The following ZC2HC1B variants were observed in gnomAD, a reference collection of about 807,000 sequenced individuals.
ZC2HC1B encodes zinc finger C2HC-type containing 1B, also known as zinc finger C2HC domain-containing protein 1B.
In ZC2HC1B, 36 loss-of-function variants were observed where a neutral mutation model predicts 31.0. That is an observed-to-expected ratio of 1.16 (90% confidence interval 0.89 to 1.54). The LOEUF is 1.54. Among genes scored for constraint, ZC2HC1B ranks in the 40% most tolerant of loss-of-function variants. The pLI is 0.00. For missense variants in ZC2HC1B, 260 were observed against 268.6 expected, an observed-to-expected ratio of 0.97 and a Z score of 0.22; for synonymous variants, 73 against 88.0, an observed-to-expected ratio of 0.83 and a Z score of 0.95.
At chr6:143,914,447 T>C (rs1370292676) in intron 6 of ZC2HC1B, among the ~76,000 whole-genome samples, 3 of 152,230 alleles carry the variant, frequency 2.0e-5, no homozygotes, top group Non-Finnish European at 4.4e-5. Flanking sequence ...TCATATGATA[T>C]ATGTCTTTTT....
intron 1 of ZC2HC1B, among the ~76,000 whole-genome samples, chr6:143,880,789 G>A (rs1777457649): frequency 1.3e-5 from 2 of 151,124 alleles, no homozygotes; most frequent in Admixed American, 1.3e-4. Flanking sequence ...GCTACAGTTT[G>A]CTGACCCCTA....
At chr6:143,910,474 A>G (rs768315957) in intron 6 of ZC2HC1B, among the ~76,000 whole-genome samples, 9 of 152,234 alleles carry the variant, frequency 5.9e-5, no homozygotes, top group Non-Finnish European at 1.0e-4. Context: ...TTAGATATCT[A>G]TCAGGCCCAC....
chr6:143,887,039 A>G lies in ZC2HC1B; in HGVS notation c.349+218A>G, dbSNP rs1208745492. Among the ~76,000 whole-genome samples the G allele has an allele frequency of 6.6e-6, 1 of 152,194 alleles. No individual in the cohort carries two copies. Among genetic ancestry groups the G allele is most frequent in the Non-Finnish European group, 1.5e-5 (1 of 68,034 alleles). On this transcript the variant is annotated intron_variant, in intron 4 of 7. Coordinates refer to ENST00000237275, the MANE Select transcript of ZC2HC1B (RefSeq NM_001013623.3). This position sits in a 1 kb window ranked among gnomAD's most constrained non-coding sequence, Gnocchi z 5.1. ...GGGAACACCACTGTAGCTGTGCTGTAGTATTACATGACTCCAAGAAACACC... is the reference window on the plus strand; with the variant it reads ...GGGAACACCACTGTAGCTGTGCTGTGGTATTACATGACTCCAAGAAACACC...
At chr6:143,901,375 C>G (rs1777737074) in intron 5 of ZC2HC1B, among the ~76,000 whole-genome samples, 1 of 146,998 alleles carries the variant, frequency 6.8e-6, no homozygotes, top group Admixed American at 6.8e-5. Context: ...TTCTTGTGAC[C>G]CAGCCTTCCA....
chr6:143,896,460 G>C (rs1182990484), intron 4 of ZC2HC1B, among the ~76,000 whole-genome samples: 1 of 152,168 alleles, frequency 6.6e-6, no homozygotes, highest in East Asian at 1.9e-4. Flanking sequence ...GTTCTAGATG[G>C]TTCTTCTAAA....
chr6:143,886,148 C>T lies in ZC2HC1B; in HGVS notation c.207C>T (p.Ser69=). 1 of 1,535,378 alleles carries T rather than the reference C, an allele frequency of 6.5e-7. No homozygotes were observed. Among genetic ancestry groups the T allele is most frequent in the Non-Finnish European group, 8.8e-7 (1 of 1,142,322 alleles). Residue 69 remains serine (S), a synonymous_variant, in exon 3 of 8, where the codon TCC becomes TCT. Coordinates refer to ENST00000237275, the MANE Select transcript of ZC2HC1B (RefSeq NM_001013623.3). The surrounding 1 kb of genome is among the most constrained non-coding windows in gnomAD (Gnocchi z 4.2). ...DIPTVKKTPQ[S]KSPPVRKSNW... is the part of the protein sequence containing the mutation. ...CTACTGTGAAGAAGACTCCACAATC[C>T]AAGGTACTCCTGATATCTTCTTTAG...
chr6:143,905,456 G>A lies in ZC2HC1B; in HGVS notation c.598+2304G>A, dbSNP rs1005047576. On this transcript the variant is annotated intron_variant, in intron 6 of 7. Coordinates refer to ENST00000237275, the MANE Select transcript of ZC2HC1B (RefSeq NM_001013623.3). The surrounding 1 kb of genome is among the most constrained non-coding windows in gnomAD (Gnocchi z 4.2). The stretch of plus-strand genomic sequence containing the variant: ...TTTATTGCTTCTAATAAGTTTTTTG[G>A]TGATATCTTTAGGATTTTCTGCTTA... Among the ~76,000 whole-genome samples the A allele has an allele frequency of 6.6e-6, 1 of 152,024 alleles. No homozygotes were observed. Among genetic ancestry groups the A allele is most frequent in the African/African-American group, 2.4e-5 (1 of 41,412 alleles).
At chr6:143,907,871 T>C (rs567116050) in intron 6 of ZC2HC1B, among the ~76,000 whole-genome samples, 8 of 152,236 alleles carry the variant, frequency 5.3e-5, no homozygotes, top group Non-Finnish European at 1.2e-4. Flanking sequence ...TTCTGAATGG[T>C]ATTGCCTAGA....
intron 6 of ZC2HC1B, among the ~76,000 whole-genome samples, chr6:143,935,566 ATTGTTG>A (rs1020282873): frequency 2.0e-5 from 3 of 149,888 alleles, no homozygotes; most frequent in Non-Finnish European, 4.4e-5. Flanking sequence ...GTCTTTAAAA[ATTGTTG>A]TTGTTGGGTT....
intron 6 of ZC2HC1B, 123 bp from the exon 7 acceptor site, chr6:143,937,526 C>A: frequency 1.7e-6 from 1 of 583,630 alleles, no homozygotes; most frequent in Non-Finnish European, 2.5e-6. Flanking sequence ...ACTCCCCCAC[C>A]TCCCACCAAA....
chr6:143,875,352 T>C (rs1777393169), intron 1 of ZC2HC1B, among the ~76,000 whole-genome samples: 3 of 151,418 alleles, frequency 2.0e-5, no homozygotes, highest in Non-Finnish European at 4.4e-5. Flanking sequence ...TCATTATGCC[T>C]TTGGATCCCT....
intron 6 of ZC2HC1B, among the ~76,000 whole-genome samples, chr6:143,936,135 CAT>C (rs1778175787): frequency 6.6e-6 from 1 of 152,154 alleles, no homozygotes; most frequent in Non-Finnish European, 1.5e-5. Context: ...AGAGGAGACA[CAT>C]GTGTGTACAA....
At chr6:143,937,244 C>A (rs1394693945) in intron 6 of ZC2HC1B, among the ~76,000 whole-genome samples, 1 of 152,126 alleles carries the variant, frequency 6.6e-6, no homozygotes, top group Non-Finnish European at 1.5e-5. Flanking sequence ...GCAGCTTATG[C>A]TTCCGTAAGG....
At chr6:143,925,622 C>T (rs1404327160) in intron 6 of ZC2HC1B, among the ~76,000 whole-genome samples, 1 of 151,168 alleles carries the variant, frequency 6.6e-6, no homozygotes, top group Non-Finnish European at 1.5e-5. Flanking sequence ...CCGCAACCTC[C>T]GCCTCCCGTG....
rs539738162 is a variant in ZC2HC1B at position 143,903,657 on chromosome 6, T to G, written c.598+505T>G. ...ACATAAGTCAAGAATTTCTGTACAGTCATCCCTCGGTATCCACAGGGGATT... is the reference window on the plus strand; with the variant it reads ...ACATAAGTCAAGAATTTCTGTACAGGCATCCCTCGGTATCCACAGGGGATT... On this transcript the variant is annotated intron_variant, in intron 6 of 7. Transcript: ENST00000237275. The surrounding 1 kb of genome is among the most constrained non-coding windows in gnomAD (Gnocchi z 4.3). 1.3e-5 allele frequency among the ~76,000 whole-genome samples: 2 copies of G among 152,150 alleles called. No individual in the cohort carries two copies. Among genetic ancestry groups the G allele is most frequent in the African/African-American group, 4.8e-5 (2 of 41,422 alleles).
rs1244434530 is a variant in ZC2HC1B, at chr6:143,937,663, C to T, written c.613C>T (p.Pro205Ser). ...TGTTTGCAAAGGATTAGCTATGGAC[C>T]CTGCTTCTGGAGCAAAACTCAGACA... ...VPTKSGLAMD[P>S]ASGAKLRQGF... The change falls in exon 7 of 8, where the codon CCT becomes TCT. Residue 205 changes from proline to serine, a missense_variant. Coordinates refer to ENST00000237275, the MANE Select transcript of ZC2HC1B (RefSeq NM_001013623.3). 5 of 1,550,362 alleles carry T rather than the reference C, an allele frequency of 3.2e-6. No individual in the cohort carries two copies. Among genetic ancestry groups the T allele is most frequent in the African/African-American group, 1.4e-5 (1 of 72,866 alleles).
chr6:143,925,816 T>A (rs1329720521), intron 6 of ZC2HC1B, among the ~76,000 whole-genome samples: 1 of 152,202 alleles, frequency 6.6e-6, no homozygotes, highest in African/African-American at 2.4e-5. Flanking sequence ...ATTACAGGCA[T>A]GAGCCACGGT....
rs1165477324 is a variant in ZC2HC1B, at chr6:143,895,523, G to A, written c.350-3029G>A. Among the ~76,000 whole-genome samples the A allele has an allele frequency of 6.6e-6, 1 of 152,144 alleles. No homozygotes were observed. Among genetic ancestry groups the A allele is most frequent in the Non-Finnish European group, 1.5e-5 (1 of 68,030 alleles). ...ATATATAACATGGCCTAACATGCAT[G>A]AATGTGCCAGTAATTTCCCTTTTTT... On this transcript the variant is annotated intron_variant, in intron 4 of 7. Transcript: ENST00000237275. The surrounding 1 kb of genome is among the most constrained non-coding windows in gnomAD (Gnocchi z 4.8).
chr6:143,873,248 C>A (rs1368918809), intron 1 of ZC2HC1B, among the ~76,000 whole-genome samples: 1 of 152,264 alleles, frequency 6.6e-6, no homozygotes, highest in Non-Finnish European at 1.5e-5. Flanking sequence ...GACTCCATGT[C>A]TCACATCCAG....
Sources: gnomAD v4.1 joint callset for allele counts (sites outside exome capture counted in the v4.1 genomes callset) on GRCh38, gnomAD v4.1.1 for gene constraint, Gnocchi (gnomAD v3.1) non-coding constraint, MANE v1.5 for transcripts, NCBI Gene and HGNC (gene_info 2026-07-23, HGNC 2026-07-21) for gene names.